Variants in PATJ observed in about 807,000 individuals in gnomAD.
PATJ encodes the protein PATJ crumbs cell polarity complex component, also known as inaD-like protein.
A neutral mutation model predicts 224.9 loss-of-function variants in PATJ; 190 were observed. That is an observed-to-expected ratio of 0.84 (90% confidence interval 0.75 to 0.95). PATJ has a LOEUF of 0.95. Among genes scored for constraint, PATJ ranks in the 40% least tolerant of loss-of-function variants. PATJ has a pLI of 0.00. For synonymous variants in PATJ, 769 were observed against 820.3 expected, an observed-to-expected ratio of 0.94 and a Z score of 1.07; for missense variants, 2,121 against 2,270.3, an observed-to-expected ratio of 0.93 and a Z score of 1.34.
chr1:62,108,435 A>G lies in PATJ; in HGVS notation c.4378-2A>G. On this transcript the variant is annotated splice_acceptor_variant, in intron 33 of 43. Coordinates refer to ENST00000642238, the MANE Select transcript of PATJ (RefSeq NM_001350145.3). LOFTEE classifies it high-confidence loss of function. ...AAATGAGTAAGATTTTATTTTTTAT[A>G]GAATGCTATAGTTATCCATGAAGTC... 2 of 1,583,940 alleles carry G rather than the reference A, an allele frequency of 1.3e-6. No individual in the cohort carries two copies. Among genetic ancestry groups the G allele is most frequent in the Non-Finnish European group, 1.7e-6 (2 of 1,160,046 alleles).
intron 37 of PATJ, among the ~76,000 whole-genome samples, chr1:62,119,206 G>C (rs1443744367): frequency 1.3e-5 from 2 of 152,168 alleles, no homozygotes; most frequent in Non-Finnish European, 2.9e-5. Flanking sequence ...TTATGGGTGA[G>C]ATAGAAGAGT....
At position 61,875,354 on chromosome 1, in the gene PATJ, A is replaced by G. The variant is rs753116732; in HGVS notation, c.2947A>G (p.Ser983Gly). 1 of 1,608,264 alleles carries G rather than the reference A, an allele frequency of 6.2e-7. No homozygotes were observed. The highest frequency in any genetic ancestry group is 1.1e-5 in the South Asian group (1 of 89,598). The change falls in exon 21 of 44, where the codon AGT (serine) becomes GGT (glycine). Residue 983 changes from serine (S) to glycine (G), a missense_variant. Coordinates refer to ENST00000642238, the MANE Select transcript of PATJ (RefSeq NM_001350145.3). The stretch of plus-strand genomic sequence containing the variant: ...AAATCTTAATTCATTAGCAAAAACT[A>G]GTCTGGATTTAGGTTTGTGACTTTT... ...LENLNSLAKT[S>G]LDLGMIPNDV...
At chr1:62,065,540 A>C (rs950208601) in intron 31 of PATJ, among the ~76,000 whole-genome samples, 22 of 152,252 alleles carry the variant, frequency 1.4e-4, no homozygotes, top group African/African-American at 2.2e-4. Context: ...CTCAGGAGGC[A>C]GAGGTTGCAG....
intron 27 of PATJ, among the ~76,000 whole-genome samples, chr1:61,975,763 T>G (rs1354902829): frequency 1.3e-5 from 2 of 151,992 alleles, no homozygotes; most frequent in Non-Finnish European, 1.5e-5. Flanking sequence ...GCTTATCGTC[T>G]CCTTCATTCC....
chr1:61,852,716 A>AATGGAC (rs1028077839), intron 17 of PATJ: 3 of 152,120 alleles, frequency 2.0e-5, no homozygotes, highest in Admixed American at 2.0e-4. Flanking sequence ...ATTTTCAGAA[A>AATGGAC]ATGGACCTTT....
chr1:61,758,604 C>T (rs1298924824), intron 1 of PATJ, among the ~76,000 whole-genome samples: 1 of 152,162 alleles, frequency 6.6e-6, no homozygotes, highest in Non-Finnish European at 1.5e-5. Context: ...ACCTTGACCT[C>T]CCAAAGTGCT....
intron 41 of PATJ, among the ~76,000 whole-genome samples, chr1:62,141,379 T>C (rs1460932880): frequency 6.6e-6 from 1 of 152,008 alleles, no homozygotes; most frequent in African/African-American, 2.4e-5. Flanking sequence ...CACGGCTGAA[T>C]GTAAAATGAG....
chr1:61,962,876 C>T (rs761819904), intron 27 of PATJ, among the ~76,000 whole-genome samples: 33 of 152,270 alleles, frequency 2.2e-4, no homozygotes, highest in African/African-American at 7.7e-4. Flanking sequence ...GCTATCAAGG[C>T]GGCATGCCAG....
chr1:61,745,150 G>C (rs1239037770), intron 1 of PATJ, among the ~76,000 whole-genome samples: 2 of 152,256 alleles, frequency 1.3e-5, no homozygotes, highest in African/African-American at 4.8e-5. Context: ...ATGCCTATCT[G>C]TTCAGATTTT....
intron 28 of PATJ, among the ~76,000 whole-genome samples, chr1:62,014,427 A>G (rs998713427): frequency 6.6e-6 from 1 of 152,158 alleles, no homozygotes; most frequent in Non-Finnish European, 1.5e-5. Flanking sequence ...ATTGGAAAAT[A>G]TGGTCAGCAA....
intron 18 of PATJ, among the ~76,000 whole-genome samples, chr1:61,858,451 AG>A (rs1664046673): frequency 6.6e-6 from 1 of 152,060 alleles, no homozygotes; most frequent in African/African-American, 2.4e-5. Context: ...TAGTAGAGAC[AG>A]GGTTTCACCA....
At chr1:62,068,534 G>T (rs1656860436) in intron 31 of PATJ, among the ~76,000 whole-genome samples, 1 of 152,078 alleles carries the variant, frequency 6.6e-6, no homozygotes, top group African/African-American at 2.4e-5. Flanking sequence ...TCTTCCCTTG[G>T]GTCTACTTTG....
Position 61,864,333 on chromosome 1 carries a change from G to A in PATJ, c.2535G>A (p.Glu845=). ...TCCATTCCCAACAAAAAGAGATAGA[G>A]CAAAGCAAGGAGGCCTGGGAGATGC... ...KSFHSQQKEI[E]QSKEAWEMHE... is the part of the protein sequence containing the mutation. The change falls in exon 20 of 44, where the codon GAG becomes GAA. Residue 845 remains glutamate, a synonymous_variant. Coordinates refer to ENST00000642238, the MANE Select transcript of PATJ (RefSeq NM_001350145.3). The A allele has an allele frequency of 6.2e-7, 1 of 1,614,078 alleles. No homozygotes were observed. Among genetic ancestry groups the A allele is most frequent in the Non-Finnish European group, 8.5e-7 (1 of 1,179,942 alleles).
intron 33 of PATJ, among the ~76,000 whole-genome samples, chr1:62,104,437 C>G (rs1662628498): frequency 1.3e-5 from 2 of 152,092 alleles, no homozygotes; most frequent in African/African-American, 4.8e-5. Context: ...GCCCACATTT[C>G]TAATTTAGCT....
chr1:61,935,292 A>G (rs1371483626), intron 27 of PATJ, among the ~76,000 whole-genome samples: 1 of 152,220 alleles, frequency 6.6e-6, no homozygotes, highest in Non-Finnish European at 1.5e-5. Flanking sequence ...AGAGATATGA[A>G]TGGAACCCCA....
chr1:61,865,221 T>C (rs1665221371), intron 20 of PATJ: 1 of 150,210 alleles, frequency 6.7e-6, no homozygotes, highest in East Asian at 1.9e-4. Context: ...TTCTCTTTTT[T>C]TTTTTTTTTT....
chr1:61,773,958 A>G (rs1646769423), intron 6 of PATJ, among the ~76,000 whole-genome samples: 1 of 151,544 alleles, frequency 6.6e-6, no homozygotes, highest in South Asian at 2.1e-4. Flanking sequence ...ATCTCTACTA[A>G]AAATACAAAA....
chr1:61,863,027 GTTTTT>G (rs35033086), intron 19 of PATJ, among the ~76,000 whole-genome samples: 4 of 79,996 alleles, frequency 5.0e-5, no homozygotes, highest in Non-Finnish European at 1.0e-4. Flanking sequence ...ACTGTTTTCA[GTTTTT>G]TTTTTTTTTT....
At chr1:62,096,868 C>T (rs920320830) in intron 33 of PATJ, among the ~76,000 whole-genome samples, 17 of 152,174 alleles carry the variant, frequency 1.1e-4, no homozygotes, top group African/African-American at 2.2e-4. Flanking sequence ...CCACCTGCCT[C>T]GGCCTCCCAA....
Sources: allele counts gnomAD v4.1 joint callset (sites outside exome capture counted in the v4.1 genomes callset), GRCh38; gene constraint gnomAD v4.1.1; transcripts MANE v1.5; gene names NCBI Gene and HGNC (gene_info 2026-07-23, HGNC 2026-07-21).